SNX29: variants seen among roughly 807,000 people sequenced by gnomAD.
SNX29 encodes the protein sorting nexin-29.
SNX29 carries 78 observed loss-of-function variants against 102.1 expected under a neutral mutation model. The ratio of observed to expected loss-of-function variants is 0.76; its 90% CI spans 0.64 to 0.92. SNX29 has a LOEUF of 0.92. Among genes scored for constraint, SNX29 ranks in the 40% least tolerant of loss-of-function variants. The pLI is 0.00. For synonymous variants in SNX29, 580 were observed against 414.5 expected (o/e 1.40, Z -4.85); for missense variants, 1,280 against 1,061.7 (o/e 1.21, Z -2.86).
chr16:12,026,606 G>A (rs913995466), intron 3 of SNX29, among the ~76,000 whole-genome samples: 2 of 152,146 alleles, frequency 1.3e-5, no homozygotes, highest in African/African-American at 4.8e-5. Flanking sequence ...TTTGGTTATT[G>A]AGAAACAAAT....
intron 18 of SNX29, among the ~76,000 whole-genome samples, chr16:12,439,456 TCA>T (rs1020665432): frequency 2.0e-5 from 3 of 151,884 alleles, no homozygotes; most frequent in Non-Finnish European, 4.4e-5. Flanking sequence ...TTGAATGGAC[TCA>T]CAGTTCCCAT....
At chr16:12,023,619 C>G (rs1440445609) in intron 3 of SNX29, among the ~76,000 whole-genome samples, 1 of 151,638 alleles carries the variant, frequency 6.6e-6, no homozygotes, top group Non-Finnish European at 1.5e-5. Flanking sequence ...AGAAAGAACT[C>G]TACTAAAGCT....
chr16:12,310,558 C>T (rs113330140), intron 15 of SNX29, among the ~76,000 whole-genome samples: 3 of 151,870 alleles, frequency 2.0e-5, no homozygotes, highest in Admixed American at 1.3e-4. Flanking sequence ...CTGTATGATT[C>T]CATTTATAGA....
chr16:12,543,553 A>G (rs568074854), intron 20 of SNX29, among the ~76,000 whole-genome samples: 1 of 152,098 alleles, frequency 6.6e-6, no homozygotes, highest in Admixed American at 6.5e-5. Context: ...TTCCACGCCC[A>G]CTGAGCCACG....
At chr16:12,521,126 G>C (rs2090082805) in intron 19 of SNX29, among the ~76,000 whole-genome samples, 2 of 152,194 alleles carry the variant, frequency 1.3e-5, no homozygotes, top group Admixed American at 6.5e-5. Context: ...GTTGCAGTGA[G>C]CTGAGATCGT....
At chr16:12,122,828 A>T (rs1013553375) in intron 11 of SNX29, among the ~76,000 whole-genome samples, 9 of 151,984 alleles carry the variant, frequency 5.9e-5, no homozygotes, top group South Asian at 2.1e-4. Context: ...TTAATAATTT[A>T]AAAAAAATTT....
At chr16:12,463,929 C>G (rs962544349) in intron 18 of SNX29, among the ~76,000 whole-genome samples, 1 of 151,032 alleles carries the variant, frequency 6.6e-6, no homozygotes, top group Admixed American at 6.6e-5. Context: ...GCCAGAGTCC[C>G]CATGCTGTCA....
chr16:12,557,263 TGG>T (rs1331533124), intron 20 of SNX29: 2 of 152,148 alleles, frequency 1.3e-5, no homozygotes, highest in African/African-American at 4.8e-5. Context: ...GAAAGATAAG[TGG>T]GGAGTGCAGG....
chr16:12,131,959 C>T (rs1006869064), intron 13 of SNX29, among the ~76,000 whole-genome samples: 6 of 152,180 alleles, frequency 3.9e-5, no homozygotes, highest in African/African-American at 1.4e-4. Context: ...CCTAGTTCGG[C>T]ATTTTCTCAC....
At chr16:12,439,382 A>G (rs1254577363) in intron 18 of SNX29, among the ~76,000 whole-genome samples, 5 of 152,150 alleles carry the variant, frequency 3.3e-5, no homozygotes, top group Non-Finnish European at 5.9e-5. Context: ...GTTAGCCACT[A>G]TATTAGTTTG....
intron 20 of SNX29, among the ~76,000 whole-genome samples, chr16:12,538,907 C>A (rs542136773): frequency 9.5e-6 from 1 of 104,968 alleles, no homozygotes; most frequent in East Asian, 4.5e-4. Context: ...ATGACCTGTT[C>A]TAAGTGGGAG....
intron 15 of SNX29, among the ~76,000 whole-genome samples, chr16:12,301,035 C>G (rs971020164): frequency 2.8e-4 from 43 of 152,232 alleles, no homozygotes; most frequent in African/African-American, 1.0e-3. Flanking sequence ...CTGCGGTTTT[C>G]TCCATCTTCC....
chr16:12,358,509 T>C (rs2082206974), intron 16 of SNX29, among the ~76,000 whole-genome samples: 2 of 152,194 alleles, frequency 1.3e-5, no homozygotes, highest in African/African-American at 2.4e-5. Flanking sequence ...AGAATCTCTC[T>C]GACCTTCTCC....
At chr16:12,060,356 C>T (rs576370826) in intron 8 of SNX29, among the ~76,000 whole-genome samples, 66 of 152,266 alleles carry the variant, frequency 4.3e-4, no homozygotes, top group Middle Eastern at 3.4e-3. Flanking sequence ...CTTGGGGAGG[C>T]TGAAGCAGGA....
intron 20 of SNX29, among the ~76,000 whole-genome samples, chr16:12,564,014 G>A (rs2078880359): frequency 6.6e-6 from 1 of 152,106 alleles, no homozygotes; most frequent in Non-Finnish European, 1.5e-5. Context: ...TTCCCCCAGG[G>A]TAGGGAGTTG....
chr16:12,346,212 C>G (rs1233678704), intron 15 of SNX29, among the ~76,000 whole-genome samples: 1 of 151,860 alleles, frequency 6.6e-6, no homozygotes, highest in African/African-American at 2.4e-5. Flanking sequence ...TAGGTTTGGC[C>G]ACAGGATGGA....
At chr16:12,504,789 T>C in intron 19 of SNX29, among the ~76,000 whole-genome samples, 1 of 152,238 alleles carries the variant, frequency 6.6e-6, no homozygotes, top group Admixed American at 6.5e-5. Context: ...AGATAGTATA[T>C]ATAAGGTTTG....
chr16:12,567,042 A>C (rs917952778), intron 20 of SNX29, among the ~76,000 whole-genome samples: 4 of 152,254 alleles, frequency 2.6e-5, no homozygotes, highest in African/African-American at 9.6e-5. Flanking sequence ...CCTGAGATAC[A>C]TGAAGATGCT....
At chr16:12,256,503 T>G (rs2078577434) in intron 14 of SNX29, among the ~76,000 whole-genome samples, 1 of 152,164 alleles carries the variant, frequency 6.6e-6, no homozygotes, top group Non-Finnish European at 1.5e-5. Context: ...AGTTTTTGTA[T>G]TTGTAGCAGA....
Sources: allele counts gnomAD v4.1 joint callset (sites outside exome capture counted in the v4.1 genomes callset), GRCh38; gene constraint gnomAD v4.1.1; transcripts MANE v1.5; gene names NCBI Gene and HGNC (gene_info 2026-07-23, HGNC 2026-07-21).